Variants in TSPAN5 observed in about 807,000 individuals in gnomAD.
TSPAN5 encodes tetraspanin-5.
In TSPAN5, 10 loss-of-function variants were observed where a neutral mutation model predicts 37.1. The ratio of observed to expected loss-of-function variants is 0.27; its 90% CI spans 0.17 to 0.46. TSPAN5 has a LOEUF of 0.46. TSPAN5 is among the 20% of genes least tolerant of loss of function. The pLI is 1.00. For synonymous variants in TSPAN5, 110 were observed against 118.9 expected (o/e 0.93, Z 0.48); for missense variants, 195 against 326.6 (o/e 0.60, Z 3.11).
intron 1 of TSPAN5, chr4:98,574,519 T>C (rs1755191450): frequency 6.6e-6 from 1 of 152,254 alleles, no homozygotes; most frequent in Non-Finnish European, 1.5e-5. Context: ...CTTCTTAGCA[T>C]AAGCTGCAGT....
intron 1 of TSPAN5, among the ~76,000 whole-genome samples, chr4:98,541,953 C>G (rs1326531516): frequency 2.6e-5 from 4 of 152,074 alleles, no homozygotes; most frequent in African/African-American, 9.7e-5. Flanking sequence ...TATATAGTGT[C>G]TCTGTGCTCT....
At chr4:98,524,276 T>A (rs948340121) in intron 1 of TSPAN5, among the ~76,000 whole-genome samples, 1 of 152,240 alleles carries the variant, frequency 6.6e-6, no homozygotes, top group African/African-American at 2.4e-5. Context: ...TTAAAGCTGT[T>A]TAACCAGAGA....
At chr4:98,538,398 A>C (rs1371110103) in intron 1 of TSPAN5, among the ~76,000 whole-genome samples, 2 of 152,186 alleles carry the variant, frequency 1.3e-5, no homozygotes, top group African/African-American at 4.8e-5. Context: ...CCAGTTCACT[A>C]CATCAGCTCC....
chr4:98,521,409 G>A (rs749592841), intron 1 of TSPAN5, among the ~76,000 whole-genome samples: 10 of 152,178 alleles, frequency 6.6e-5, no homozygotes, highest in Non-Finnish European at 1.5e-4. Context: ...AACTCACTAT[G>A]TATCACCTGG....
At chr4:98,632,785 G>A (rs1350028317) in intron 1 of TSPAN5, among the ~76,000 whole-genome samples, 1 of 152,226 alleles carries the variant, frequency 6.6e-6, no homozygotes, top group Non-Finnish European at 1.5e-5. Flanking sequence ...GACTGGGGAT[G>A]GGGAGGAGGA....
chr4:98,609,102 A>G (rs1460379491), intron 1 of TSPAN5, among the ~76,000 whole-genome samples: 1 of 152,096 alleles, frequency 6.6e-6, no homozygotes, highest in Non-Finnish European at 1.5e-5. Flanking sequence ...GAGGGTAGTA[A>G]CAGGAATGGA....
chr4:98,504,609 T>C (rs1250593667), intron 2 of TSPAN5, among the ~76,000 whole-genome samples: 1 of 152,162 alleles, frequency 6.6e-6, no homozygotes. Flanking sequence ...GGGAGCCATG[T>C]CTCCAGTGGG....
At chr4:98,554,054 G>A (rs1294133571) in intron 1 of TSPAN5, among the ~76,000 whole-genome samples, 3 of 151,438 alleles carry the variant, frequency 2.0e-5, no homozygotes, top group East Asian at 1.9e-4. Flanking sequence ...GTGACAGAGC[G>A]AGACTCTATC....
rs542513053 is a variant in TSPAN5, at chr4:98,638,453, A to G, written c.81+19693T>C. Among the ~76,000 whole-genome samples the G allele has an allele frequency of 3.8e-3, 583 of 152,316 alleles. 4 individuals are homozygous for G. The highest frequency in any genetic ancestry group is 6.5e-3 in the Admixed American group (100 of 15,304). ...GGGGAGGCCCGGGTGATTACCTCCT[A>G]AACAAGACACATCTGAACGCATTTA... On this transcript the variant is annotated intron_variant, in intron 1 of 7. Coordinates refer to ENST00000305798, the MANE Select transcript of TSPAN5 (RefSeq NM_005723.4).
chr4:98,592,234 A>G (rs901809134), intron 1 of TSPAN5, among the ~76,000 whole-genome samples: 2 of 149,658 alleles, frequency 1.3e-5, no homozygotes, highest in South Asian at 4.2e-4. Context: ...AAAGTGGAAG[A>G]GAAGCCATTG....
At chr4:98,476,900 G>A (rs998382549) in intron 5 of TSPAN5, among the ~76,000 whole-genome samples, 1 of 152,164 alleles carries the variant, frequency 6.6e-6, no homozygotes, top group East Asian at 1.9e-4. Context: ...GTTTTTCAAT[G>A]AGCTTTTAAT....
chr4:98,586,821 A>T (rs1755499306), intron 1 of TSPAN5, among the ~76,000 whole-genome samples: 1 of 152,144 alleles, frequency 6.6e-6, no homozygotes, highest in African/African-American at 2.4e-5. Flanking sequence ...ACCCTTGCCA[A>T]CTCTTCACAC....
intron 1 of TSPAN5, among the ~76,000 whole-genome samples, chr4:98,564,805 C>A (rs749621361): frequency 1.3e-5 from 2 of 151,504 alleles, no homozygotes; most frequent in Admixed American, 6.6e-5. Context: ...ACGTGTGTTT[C>A]TAATTTTTAA....
intron 1 of TSPAN5, among the ~76,000 whole-genome samples, chr4:98,585,177 G>A (rs1183340038): frequency 2.0e-5 from 3 of 152,160 alleles, no homozygotes; most frequent in Admixed American, 6.5e-5. Context: ...ATTTTCTGGT[G>A]TGCATATATT....
intron 1 of TSPAN5, among the ~76,000 whole-genome samples, chr4:98,656,212 C>T (rs2110297003): frequency 6.6e-6 from 1 of 152,254 alleles, no homozygotes; most frequent in East Asian, 1.9e-4. Flanking sequence ...ATAGAAAGGG[C>T]TAAATTTGTC....
intron 1 of TSPAN5, among the ~76,000 whole-genome samples, chr4:98,587,093 T>C (rs1260232793): frequency 6.6e-6 from 1 of 152,238 alleles, no homozygotes; most frequent in Non-Finnish European, 1.5e-5. Context: ...ATGGCCAGCA[T>C]GCAGCGCAGC....
At chr4:98,607,942 C>T (rs901340714) in intron 1 of TSPAN5, among the ~76,000 whole-genome samples, 3 of 152,086 alleles carry the variant, frequency 2.0e-5, no homozygotes, top group East Asian at 1.9e-4. Flanking sequence ...AACTCCTGAC[C>T]GCAAGTGATC....
chr4:98,589,339 G>C (rs572004123), intron 1 of TSPAN5, among the ~76,000 whole-genome samples: 1 of 152,250 alleles, frequency 6.6e-6, no homozygotes, highest in South Asian at 2.1e-4. Context: ...TCCTGGTCTG[G>C]AAGCATGACT....
rs533415742 is a variant in TSPAN5, at chr4:98,656,661, C to A, written c.81+1485G>T. Among the ~76,000 whole-genome samples, 13 of 152,258 alleles carry A rather than the reference C, an allele frequency of 8.5e-5. 1 individual carries two copies. The highest frequency in any genetic ancestry group is 2.6e-4 in the African/African-American group (11 of 41,552). On this transcript the variant is annotated intron_variant, in intron 1 of 7. Coordinates refer to ENST00000305798, the MANE Select transcript of TSPAN5 (RefSeq NM_005723.4). ...GGCAAAAAACTGCCTGTGGAATGAT[C>A]GGATATGACATCCATTCATGTGTCC...
Sources: gnomAD v4.1 joint callset for allele counts (sites outside exome capture counted in the v4.1 genomes callset) on GRCh38, gnomAD v4.1.1 for gene constraint, MANE v1.5 for transcripts, NCBI Gene and HGNC (gene_info 2026-07-23, HGNC 2026-07-21) for gene names.